PAX5: variants seen among roughly 807,000 people sequenced by gnomAD.
PAX5 encodes paired box 5.
A neutral mutation model predicts 43.7 loss-of-function variants in PAX5; 9 were observed. The observed-to-expected ratio is 0.21, with a 90% CI of 0.12 to 0.36. PAX5 has a LOEUF of 0.36. PAX5 is among the 10% of genes least tolerant of loss of function. PAX5 has a pLI of 1.00. For missense variants in PAX5, 383 were observed against 532.7 expected (o/e 0.72, Z 2.77); for synonymous variants, 228 against 214.3 (o/e 1.06, Z -0.56).
intron 1 of PAX5, among the ~76,000 whole-genome samples, chr9:37,031,754 C>G (rs1175317134): frequency 6.6e-6 from 1 of 152,148 alleles, no homozygotes; most frequent in African/African-American, 2.4e-5. Flanking sequence ...AAGTGGCTCC[C>G]TGCTTAGTGT....
At chr9:36,922,407 C>T (rs1057424551) in intron 7 of PAX5, among the ~76,000 whole-genome samples, 28 of 152,208 alleles carry the variant, frequency 1.8e-4, no homozygotes, top group African/African-American at 4.3e-4. Context: ...TTGTGCAGTA[C>T]CCGAGCGGGC....
intron 3 of PAX5, 86 bp from the exon 4 acceptor site, chr9:37,006,623 C>T (rs1838412951): frequency 9.5e-7 from 1 of 1,057,478 alleles, no homozygotes; most frequent in Admixed American, 1.7e-5. Context: ...AACCAGAAAA[C>T]TCATACCCAA....
intron 1 of PAX5, among the ~76,000 whole-genome samples, chr9:37,025,980 GATTTTTCAAAGC>G: frequency 6.6e-6 from 1 of 152,174 alleles, no homozygotes; most frequent in East Asian, 1.9e-4. Flanking sequence ...CTACTTCCTT[GATTTTTCAAAGC>G]CCCCTCCTCA....
At chr9:36,972,935 C>G (rs917352194) in intron 5 of PAX5, among the ~76,000 whole-genome samples, 6 of 150,734 alleles carry the variant, frequency 4.0e-5, no homozygotes, top group African/African-American at 1.2e-4. Context: ...GGCTGAGGCA[C>G]GAGAATCTCT....
At chr9:36,958,794 G>A (rs1423760565) in intron 6 of PAX5, among the ~76,000 whole-genome samples, 2 of 152,090 alleles carry the variant, frequency 1.3e-5, no homozygotes, top group Non-Finnish European at 2.9e-5. Flanking sequence ...AAGTCCCCTC[G>A]CACCTCACCA....
At chr9:36,962,777 G>A (rs1392900425) in intron 6 of PAX5, among the ~76,000 whole-genome samples, 1 of 152,192 alleles carries the variant, frequency 6.6e-6, no homozygotes, top group Admixed American at 6.5e-5. Flanking sequence ...GTGACAGCAA[G>A]GCCCCCATCC....
At chr9:36,994,262 C>A (rs1006769975) in intron 5 of PAX5, among the ~76,000 whole-genome samples, 1 of 152,188 alleles carries the variant, frequency 6.6e-6, no homozygotes, top group Non-Finnish European at 1.5e-5. Context: ...GGGAGAGTGG[C>A]CCGCCAGGCA....
intron 8 of PAX5, among the ~76,000 whole-genome samples, chr9:36,850,189 G>A (rs546095220): frequency 1.3e-5 from 2 of 152,366 alleles, no homozygotes; most frequent in South Asian, 4.1e-4. Context: ...GCAGCTGCAG[G>A]GCAGAGCAGG....
intron 7 of PAX5, among the ~76,000 whole-genome samples, chr9:36,883,760 T>C (rs575245250): frequency 6.6e-6 from 1 of 151,648 alleles, no homozygotes; most frequent in African/African-American, 2.4e-5. Context: ...AACAATAAAA[T>C]AGACAAATCT....
At chr9:36,984,130 C>G (rs1472095963) in intron 5 of PAX5, among the ~76,000 whole-genome samples, 5 of 152,208 alleles carry the variant, frequency 3.3e-5, no homozygotes, top group Admixed American at 3.3e-4. Flanking sequence ...CTGGAGCCTT[C>G]TCTCAGCTGT....
chr9:36,933,454 T>C (rs1831289443), intron 6 of PAX5, among the ~76,000 whole-genome samples: 1 of 152,152 alleles, frequency 6.6e-6, no homozygotes, highest in East Asian at 1.9e-4. Context: ...GCAAAGTCCT[T>C]GCAGGTCCGT....
At chr9:36,899,136 T>A (rs536245761) in intron 7 of PAX5, among the ~76,000 whole-genome samples, 1 of 152,184 alleles carries the variant, frequency 6.6e-6, no homozygotes, top group South Asian at 2.1e-4. Flanking sequence ...CCAACTCGCC[T>A]CCATGCCTTA....
At chr9:36,949,161 C>T (rs1832795713) in intron 6 of PAX5, among the ~76,000 whole-genome samples, 2 of 152,070 alleles carry the variant, frequency 1.3e-5, no homozygotes, top group Non-Finnish European at 2.9e-5. Context: ...TCCGGGTTCA[C>T]GCCATTCTCC....
In PAX5 at chr9:37,015,603, G is replaced by A. The variant is rs1312048089; in HGVS notation, c.213-409C>T. On this transcript the variant is annotated intron_variant, in intron 2 of 9. Coordinates refer to ENST00000358127, the MANE Select transcript of PAX5 (RefSeq NM_016734.3). The surrounding 1 kb of genome is among the most constrained non-coding windows in gnomAD (Gnocchi z 4.4). ...TATTTCTTTTTTTTTTTTTCAGACG[G>A]AGTTTCGCTCTTGTTGCCCAGGCTG... is the stretch of plus-strand genomic sequence containing the variant. Among the ~76,000 whole-genome samples, 12 of 150,292 alleles carry A rather than the reference G, an allele frequency of 8.0e-5. No homozygotes were observed. Among genetic ancestry groups the A allele is most frequent in the Non-Finnish European group, 1.5e-4 (10 of 67,762 alleles).
At chr9:36,940,731 C>A (rs1409980526) in intron 6 of PAX5, among the ~76,000 whole-genome samples, 2 of 152,026 alleles carry the variant, frequency 1.3e-5, no homozygotes, top group South Asian at 2.1e-4. Flanking sequence ...TGGAGAGGCA[C>A]CCAGGCATCA....
At chr9:37,021,922 G>A (rs1249953810) in intron 1 of PAX5, among the ~76,000 whole-genome samples, 1 of 152,130 alleles carries the variant, frequency 6.6e-6, no homozygotes, top group African/African-American at 2.4e-5. Flanking sequence ...GACTAGGACT[G>A]GACCGTACAA....
intron 3 of PAX5, among the ~76,000 whole-genome samples, chr9:37,008,864 T>C (rs1382055243): frequency 6.6e-6 from 1 of 152,230 alleles, no homozygotes; most frequent in Non-Finnish European, 1.5e-5. Flanking sequence ...TAATAAAATG[T>C]CCAGTTCTGG....
intron 1 of PAX5, among the ~76,000 whole-genome samples, chr9:37,021,364 C>T (rs1256277353): frequency 6.6e-6 from 1 of 151,832 alleles, no homozygotes; most frequent in Admixed American, 6.6e-5. Flanking sequence ...GAAAAAAAAA[C>T]AACCATTGCC....
intron 7 of PAX5, among the ~76,000 whole-genome samples, chr9:36,903,356 C>T (rs34827864): frequency 0.17 from 25,704 of 152,228 alleles, 2,287 homozygotes; most frequent in African/African-American, 0.19. Context: ...AGAGTGAGAC[C>T]CCATCTCTAA....
Sources: gnomAD v4.1 joint callset for allele counts (sites outside exome capture counted in the v4.1 genomes callset) on GRCh38, gnomAD v4.1.1 for gene constraint, Gnocchi (gnomAD v3.1) non-coding constraint, MANE v1.5 for transcripts, NCBI Gene and HGNC (gene_info 2026-07-23, HGNC 2026-07-21) for gene names.